Variants in JMJD1C observed in about 807,000 individuals in gnomAD.
JMJD1C encodes jumonji domain containing 1C.
In JMJD1C, 31 loss-of-function variants were observed where a neutral mutation model predicts 245.3. The observed-to-expected ratio is 0.13, with a 90% confidence interval of 0.09 to 0.17. The LOEUF is 0.17. Ranked by LOEUF, JMJD1C falls within the 10% of genes least tolerant of loss-of-function variation. The pLI is 1.00. For synonymous variants in JMJD1C, 1,057 were observed against 1,017.4 expected, an observed-to-expected ratio of 1.04 and a Z score of -0.74; for missense variants, 2,691 against 3,000.2, an observed-to-expected ratio of 0.90 and a Z score of 2.41.
chr10:63,325,610 C>T (rs1941414032), intron 2 of JMJD1C, among the ~76,000 whole-genome samples: 1 of 152,086 alleles, frequency 6.6e-6, no homozygotes, highest in Non-Finnish European at 1.5e-5. Flanking sequence ...TCCTTCTAAA[C>T]TCAAAAAAGG....
At chr10:63,276,550 T>C (rs1394815422) in intron 2 of JMJD1C, among the ~76,000 whole-genome samples, 1 of 151,068 alleles carries the variant, frequency 6.6e-6, no homozygotes, top group Admixed American at 6.6e-5. Flanking sequence ...CTGGACATGG[T>C]GGCAGGTGCC....
chr10:63,249,720 C>T (rs1247167175), intron 3 of JMJD1C, among the ~76,000 whole-genome samples: 12 of 151,922 alleles, frequency 7.9e-5, no homozygotes, highest in African/African-American at 1.5e-4. Flanking sequence ...ATTAGCCAGG[C>T]GTGGTGGCGT....
At chr10:63,319,429 C>CT (rs776692253) in intron 2 of JMJD1C, among the ~76,000 whole-genome samples, 1 of 150,766 alleles carries the variant, frequency 6.6e-6, no homozygotes, top group East Asian at 2.0e-4. Context: ...TATATTTTAA[C>CT]TTTAACGTAT....
At chr10:63,240,260 TACAGA>T (rs1488452746) in intron 3 of JMJD1C, among the ~76,000 whole-genome samples, 1 of 151,490 alleles carries the variant, frequency 6.6e-6, no homozygotes, top group Non-Finnish European at 1.5e-5. Flanking sequence ...AAAGGAACAC[TACAGA>T]AAATAAGGAG....
chr10:63,227,032 C>A (rs1211978918), intron 3 of JMJD1C, among the ~76,000 whole-genome samples: 1 of 152,136 alleles, frequency 6.6e-6, no homozygotes, highest in Non-Finnish European at 1.5e-5. Flanking sequence ...TGTGCCACTG[C>A]ACTCCAGTCT....
At chr10:63,222,549 G>A in intron 3 of JMJD1C, 1 of 1,550,710 alleles carries the variant, frequency 6.4e-7, no homozygotes, top group Admixed American at 1.7e-5. Flanking sequence ...CTCAAATACT[G>A]TGAAAAACAG....
At chr10:63,168,619 A>C (rs1589032210) in intron 24 of JMJD1C, 53 bp from the exon 25 acceptor site, 2 of 1,488,582 alleles carry the variant, frequency 1.3e-6, no homozygotes, top group East Asian at 4.9e-5. Context: ...TGGAGCAAAG[A>C]AAAGCCAAGT....
chr10:63,253,965 C>A (rs1853478837), intron 3 of JMJD1C, among the ~76,000 whole-genome samples: 1 of 152,082 alleles, frequency 6.6e-6, no homozygotes, highest in Admixed American at 6.6e-5. Context: ...CTGAACATAA[C>A]AAACCTGGCC....
At chr10:63,328,802 T>G (rs766613276) in intron 2 of JMJD1C, among the ~76,000 whole-genome samples, 1 of 152,230 alleles carries the variant, frequency 6.6e-6, no homozygotes, top group Admixed American at 6.5e-5. Context: ...TACTTTAACT[T>G]TGCTAAAAAG....
chr10:63,475,681 C>G (rs1953638035), intron 1 of JMJD1C, among the ~76,000 whole-genome samples: 1 of 152,214 alleles, frequency 6.6e-6, no homozygotes, highest in Non-Finnish European at 1.5e-5. Context: ...CCTACCACCA[C>G]AAAGCTAAAC....
intron 22 of JMJD1C, among the ~76,000 whole-genome samples, chr10:63,178,557 G>A (rs1843081058): frequency 6.6e-6 from 1 of 152,146 alleles, no homozygotes; most frequent in Non-Finnish European, 1.5e-5. Flanking sequence ...TTATACCTGA[G>A]TAAAAAGGTT....
chr10:63,310,457 A>C (rs187430495), intron 2 of JMJD1C, among the ~76,000 whole-genome samples: 177 of 152,330 alleles, frequency 1.2e-3, no homozygotes, highest in Non-Finnish European at 1.9e-3. Context: ...GATTAAATGA[A>C]TCAGAAACAG....
At chr10:63,410,087 C>T (rs948142109) in intron 1 of JMJD1C, among the ~76,000 whole-genome samples, 1 of 152,128 alleles carries the variant, frequency 6.6e-6, no homozygotes, top group Non-Finnish European at 1.5e-5. Flanking sequence ...ACTGCCCCTT[C>T]CTAAATGCCA....
chr10:63,440,353 A>AAAAATAT (rs1554937972), intron 1 of JMJD1C, among the ~76,000 whole-genome samples: 8 of 120,250 alleles, frequency 6.7e-5, no homozygotes, highest in African/African-American at 2.5e-4. Context: ...AAAAAAAAAA[A>AAAAATAT]ATATATATAT....
At chr10:63,427,828 C>T (rs182979180) in intron 1 of JMJD1C, 14 of 1,059,828 alleles carry the variant, frequency 1.3e-5, no homozygotes, top group Admixed American at 1.0e-4. Flanking sequence ...TTCTAAAACA[C>T]TTGTTGAGAC....
At chr10:63,202,629 T>C (rs1846155701) in intron 10 of JMJD1C, 1 of 985,444 alleles carries the variant, frequency 1.0e-6, no homozygotes, top group Non-Finnish European at 1.2e-6. Context: ...GTCTCTAACT[T>C]AGGGTAAGGA....
At chr10:63,426,038 A>G (rs934902878) in intron 1 of JMJD1C, among the ~76,000 whole-genome samples, 3 of 152,130 alleles carry the variant, frequency 2.0e-5, no homozygotes, top group African/African-American at 7.2e-5. Flanking sequence ...GTTCTTCTAT[A>G]TTTATTTTTC....
At chr10:63,403,246 T>G (rs35468796) in intron 1 of JMJD1C, among the ~76,000 whole-genome samples, 30,690 of 152,170 alleles carry the variant, frequency 0.2, 4,066 homozygotes, top group Non-Finnish European at 0.29. Context: ...TGTGTAACTT[T>G]TTAAAACTTC....
intron 1 of JMJD1C, among the ~76,000 whole-genome samples, chr10:63,501,799 A>C (rs1016399500): frequency 6.6e-6 from 1 of 152,118 alleles, no homozygotes; most frequent in African/African-American, 2.4e-5. Flanking sequence ...AAAACAAAAC[A>C]AAAAAAGAAT....
Sources: allele counts gnomAD v4.1 joint callset (sites outside exome capture counted in the v4.1 genomes callset), GRCh38; gene constraint gnomAD v4.1.1; transcripts MANE v1.5; gene names NCBI Gene and HGNC (gene_info 2026-07-23, HGNC 2026-07-21).